The following VAV3 variants were observed in gnomAD, a reference collection of about 807,000 sequenced individuals.
VAV3 encodes the protein guanine nucleotide exchange factor VAV3.
In VAV3, 94 loss-of-function variants were observed where a neutral mutation model predicts 131.2. The observed-to-expected ratio is 0.72, with a 90% CI of 0.61 to 0.85. The LOEUF is 0.85. Among genes scored for constraint, VAV3 ranks in the 40% least tolerant of loss-of-function variants. VAV3 has a pLI of 0.00. For missense variants in VAV3, 939 were observed against 1,002.7 expected, an observed-to-expected ratio of 0.94 and a Z score of 0.86; for synonymous variants, 349 against 342.0, an observed-to-expected ratio of 1.02 and a Z score of -0.22.
At position 107,757,165 on chromosome 1, in the gene VAV3, G is replaced by A. The variant is rs540747381; in HGVS notation, c.1086+96C>T. On this transcript the variant is annotated intron_variant, in intron 11 of 26. Transcript: ENST00000370056. ...TATATGTGTGTATATGTGTGTGTGTGTGTGTGTGTGTGTGTGTGTGTGTAT... is the reference window on the plus strand; with the variant it reads ...TATATGTGTGTATATGTGTGTGTGTATGTGTGTGTGTGTGTGTGTGTGTAT... The A allele has an allele frequency of 1.5e-4, 112 of 746,338 alleles. No homozygotes were observed. In the African/African-American group the frequency reaches 2.0e-3, roughly 14 times the overall value. The allele number at this position is 746,338 out of a possible 1,614,324, so 46.2% of individuals were successfully genotyped here.
At chr1:107,836,883 G>T (rs1668502768) in intron 2 of VAV3, among the ~76,000 whole-genome samples, 1 of 151,956 alleles carries the variant, frequency 6.6e-6, no homozygotes, top group South Asian at 2.1e-4. Flanking sequence ...AACCTGAACA[G>T]ATCAGTAACA....
intron 15 of VAV3, among the ~76,000 whole-genome samples, chr1:107,707,657 T>A (rs1474392210): frequency 1.3e-5 from 2 of 152,192 alleles, no homozygotes; most frequent in Non-Finnish European, 2.9e-5. Context: ...GGACTAGGAA[T>A]CCATATGTAA....
At chr1:107,903,716 A>G (rs759217474) in intron 1 of VAV3, among the ~76,000 whole-genome samples, 1 of 152,160 alleles carries the variant, frequency 6.6e-6, no homozygotes, top group Non-Finnish European at 1.5e-5. Flanking sequence ...AACTCCATCT[A>G]CCAGAAATTC....
intron 1 of VAV3, among the ~76,000 whole-genome samples, chr1:107,947,015 C>A (rs1000183792): frequency 6.6e-6 from 1 of 152,182 alleles, no homozygotes; most frequent in Non-Finnish European, 1.5e-5. Flanking sequence ...GCCAAGGGAA[C>A]CCAGAGGGAA....
chr1:107,642,530 G>A, intron 20 of VAV3, 89 bp downstream of exon 20: 2 of 1,485,252 alleles, frequency 1.3e-6, no homozygotes, highest in Non-Finnish European at 9.2e-7. Context: ...GCTTTGCACT[G>A]TGGACTCGCC....
chr1:107,867,008 C>G (rs1213691365), intron 2 of VAV3, among the ~76,000 whole-genome samples: 1 of 151,808 alleles, frequency 6.6e-6, no homozygotes, highest in Non-Finnish European at 1.5e-5. Context: ...ATCTAAATAC[C>G]TAATATCATG....
chr1:107,832,423 C>T (rs772665956), intron 2 of VAV3, among the ~76,000 whole-genome samples: 3 of 152,132 alleles, frequency 2.0e-5, no homozygotes, highest in Admixed American at 6.5e-5. Flanking sequence ...ATTCGTGGAC[C>T]GGGTCTTTAA....
chr1:107,733,173 C>G (rs554690710), intron 15 of VAV3, among the ~76,000 whole-genome samples: 1 of 152,272 alleles, frequency 6.6e-6, no homozygotes, highest in Admixed American at 6.5e-5. Context: ...AACTAACAAA[C>G]AGAAAGGAAT....
intron 2 of VAV3, among the ~76,000 whole-genome samples, chr1:107,864,389 A>T (rs1669882887): frequency 6.6e-6 from 1 of 152,174 alleles, no homozygotes; most frequent in South Asian, 2.1e-4. Flanking sequence ...TGGGAGGCTG[A>T]GGTGGGTGGA....
intron 2 of VAV3, among the ~76,000 whole-genome samples, chr1:107,779,798 C>T (rs1274136300): frequency 6.6e-6 from 1 of 152,172 alleles, no homozygotes; most frequent in African/African-American, 2.4e-5. Context: ...ACTTGTATCT[C>T]TACTTTTACA....
intron 1 of VAV3, chr1:107,897,291 G>A (rs1392632272): frequency 6.6e-6 from 1 of 150,694 alleles, no homozygotes; most frequent in Non-Finnish European, 1.5e-5. Flanking sequence ...GTATGTAGTA[G>A]TCAAAGGCAT....
chr1:107,740,794 C>T (rs1358012961), intron 15 of VAV3, among the ~76,000 whole-genome samples: 2 of 152,164 alleles, frequency 1.3e-5, no homozygotes, highest in Non-Finnish European at 2.9e-5. Context: ...TGGAACATAC[C>T]ACACTCATTC....
intron 2 of VAV3, among the ~76,000 whole-genome samples, chr1:107,783,592 C>T (rs962549563): frequency 7.2e-5 from 11 of 152,146 alleles, no homozygotes; most frequent in Admixed American, 6.5e-4. Context: ...GTGTCTTCTA[C>T]ATGGTGGACA....
At chr1:107,720,863 AT>A (rs1253173885) in intron 15 of VAV3, among the ~76,000 whole-genome samples, 1 of 152,224 alleles carries the variant, frequency 6.6e-6, no homozygotes, top group African/African-American at 2.4e-5. Flanking sequence ...CAGTCACAGA[AT>A]TGCCTTTCTC....
At chr1:107,632,476 T>C (rs1654577829) in intron 20 of VAV3, among the ~76,000 whole-genome samples, 1 of 152,242 alleles carries the variant, frequency 6.6e-6, no homozygotes, top group South Asian at 2.1e-4. Flanking sequence ...GACTTGAATT[T>C]AGTTTTTCTC....
chr1:107,781,580 C>A (rs1570944908), intron 2 of VAV3, among the ~76,000 whole-genome samples: 2 of 151,864 alleles, frequency 1.3e-5, no homozygotes, highest in African/African-American at 4.8e-5. Context: ...GAGAAGGGAG[C>A]AAAACTCTTT....
intron 3 of VAV3, among the ~76,000 whole-genome samples, chr1:107,778,379 T>C (rs979505645): frequency 6.7e-5 from 10 of 149,526 alleles, no homozygotes; most frequent in Non-Finnish European, 1.5e-4. Context: ...TCAGAATCAA[T>C]ACATAAAAAT....
chr1:107,823,157 G>A (rs1667873530), intron 2 of VAV3, among the ~76,000 whole-genome samples: 1 of 152,174 alleles, frequency 6.6e-6, no homozygotes, highest in African/African-American at 2.4e-5. Context: ...AAAAATTCAA[G>A]ATGACTCTTG....
intron 1 of VAV3, among the ~76,000 whole-genome samples, chr1:107,895,581 G>T (rs1671526082): frequency 6.6e-6 from 1 of 152,046 alleles, no homozygotes; most frequent in Non-Finnish European, 1.5e-5. Context: ...GAGGCAGCCT[G>T]GCTTCACAGT....
Sources: allele counts gnomAD v4.1 joint callset (sites outside exome capture counted in the v4.1 genomes callset), GRCh38; gene constraint gnomAD v4.1.1; transcripts MANE v1.5; gene names NCBI Gene and HGNC (gene_info 2026-07-23, HGNC 2026-07-21).